Variants in GLRA2 observed in about 807,000 individuals in gnomAD.
GLRA2 encodes the protein glycine receptor alpha 2.
GLRA2 carries 11 observed loss-of-function variants against 31.6 expected under a neutral mutation model. The ratio of observed to expected loss-of-function variants is 0.35; its 90% CI spans 0.22 to 0.58. GLRA2 has a LOEUF of 0.58. Among genes scored for constraint, GLRA2 ranks in the 20% least tolerant of loss-of-function variants. GLRA2 has a pLI of 0.84. For synonymous variants in GLRA2, 132 were observed against 134.0 expected, an observed-to-expected ratio of 0.99 and a Z score of 0.10; for missense variants, 212 against 351.8, an observed-to-expected ratio of 0.60 and a Z score of 3.18.
chrX:14,466,023 G>C, the GLRA2 span, among the ~76,000 whole-genome samples: 1 of 111,824 alleles, frequency 8.9e-6, no homozygotes. Flanking sequence ...AATGCTTATT[G>C]TTTTATTCCA....
In GLRA2 at chrX:14,549,939, G is replaced by A. The variant is rs1489087131; in HGVS notation, c.202+17567G>A. Among the ~76,000 whole-genome samples, 3 of 111,430 alleles carry A rather than the reference G, an allele frequency of 2.7e-5. No homozygotes were observed. In the East Asian group the frequency reaches 8.5e-4, roughly 32 times the overall value. On this transcript the variant is annotated intron_variant, in intron 2 of 8. Coordinates refer to ENST00000218075, the MANE Select transcript of GLRA2 (RefSeq NM_002063.4). ...GAAAGAGTGGTTAGAAAATCTGGAG[G>A]AGAACCAGAAAGAGATGCAGTCATT...
At chrX:14,663,855 C>G (rs771386514) in intron 7 of GLRA2, among the ~76,000 whole-genome samples, 114 of 111,000 alleles carry the variant, frequency 1.0e-3, no homozygotes, top group Non-Finnish European at 1.4e-3. Flanking sequence ...TCCATTTCAT[C>G]CTGATTTTCC....
chrX:14,606,399 A>G (rs1471706538), intron 5 of GLRA2, among the ~76,000 whole-genome samples: 3 of 111,327 alleles, frequency 2.7e-5, no homozygotes, highest in African/African-American at 3.3e-5. Flanking sequence ...ACTGATAACA[A>G]TTTTACTTTG....
intron 8 of GLRA2, among the ~76,000 whole-genome samples, chrX:14,699,956 AAC>A (rs907053297): frequency 8.9e-6 from 1 of 111,864 alleles, no homozygotes; most frequent in African/African-American, 3.3e-5. Context: ...AGAGGGGAAC[AAC>A]ACACACTGGG....
the GLRA2 span, among the ~76,000 whole-genome samples, chrX:14,474,720 GGAT>G: frequency 9.5e-6 from 1 of 105,090 alleles, no homozygotes; most frequent in Non-Finnish European, 2.0e-5. Context: ...GGGATGGCTG[GGAT>G]GGCTGGGATG....
At chrX:14,480,174 T>A in the GLRA2 span, among the ~76,000 whole-genome samples, 1 of 112,358 alleles carries the variant, frequency 8.9e-6, no homozygotes, top group African/African-American at 3.2e-5. Flanking sequence ...TTTTGAGAAG[T>A]GTCTGATCAT....
intron 7 of GLRA2, among the ~76,000 whole-genome samples, chrX:14,661,816 T>A (rs1828120301): frequency 9.8e-6 from 1 of 101,789 alleles, no homozygotes; most frequent in South Asian, 4.6e-4. Flanking sequence ...GAGGTTTCAG[T>A]GAGCCAAGAT....
the GLRA2 span, among the ~76,000 whole-genome samples, chrX:14,503,055 A>T: frequency 9.0e-6 from 1 of 111,391 alleles, no homozygotes; most frequent in East Asian, 2.8e-4. Flanking sequence ...TCCATTAATG[A>T]CCATGAAACT....
At chrX:14,640,236 C>T (rs1197195171) in intron 7 of GLRA2, among the ~76,000 whole-genome samples, 1 of 111,061 alleles carries the variant, frequency 9.0e-6, no homozygotes, top group Non-Finnish European at 1.9e-5. Flanking sequence ...AGAAAGGAAA[C>T]GTGCAATGCC....
chrX:14,682,463 T>A (rs1169591000), intron 7 of GLRA2, among the ~76,000 whole-genome samples: 3 of 111,682 alleles, frequency 2.7e-5, no homozygotes, highest in Non-Finnish European at 5.6e-5. Context: ...TTCCAAAATT[T>A]ATCCATTAAC....
At chrX:14,550,183 A>T (rs1481242825) in intron 2 of GLRA2, among the ~76,000 whole-genome samples, 1 of 109,424 alleles carries the variant, frequency 9.1e-6, no homozygotes, top group Non-Finnish European at 1.9e-5. Flanking sequence ...AAGTCTGTAG[A>T]TTTATCGTTT....
At chrX:14,719,739 T>C (rs890060023) in intron 8 of GLRA2, among the ~76,000 whole-genome samples, 9 of 111,854 alleles carry the variant, frequency 8.0e-5, no homozygotes, top group Non-Finnish European at 1.3e-4. Context: ...TAAAGAGATA[T>C]CTGCACTCCC....
the GLRA2 span, among the ~76,000 whole-genome samples, chrX:14,483,271 A>G: frequency 0.015 from 1,717 of 111,837 alleles, 38 homozygotes; most frequent in African/African-American, 0.053. Flanking sequence ...CCACATGGAC[A>G]TCACAATGCT....
chrX:14,672,716 C>A (rs191171047), intron 7 of GLRA2, among the ~76,000 whole-genome samples: 5 of 111,907 alleles, frequency 4.5e-5, no homozygotes, highest in African/African-American at 1.6e-4. Flanking sequence ...GCTTTTGAAC[C>A]ACATTAATTA....
At chrX:14,622,133 G>A (rs1198589962) in intron 7 of GLRA2, among the ~76,000 whole-genome samples, 1 of 112,173 alleles carries the variant, frequency 8.9e-6, no homozygotes, top group Admixed American at 9.4e-5. Flanking sequence ...ATTTTTTCAT[G>A]TGTCTTTTGG....
intron 2 of GLRA2, among the ~76,000 whole-genome samples, chrX:14,539,072 T>C (rs2089365356): frequency 9.0e-6 from 1 of 111,466 alleles, no homozygotes; most frequent in African/African-American, 3.3e-5. Flanking sequence ...ATTCAGTCAA[T>C]TTTGCTGATA....
chrX:14,667,829 A>G (rs144490655), intron 7 of GLRA2, among the ~76,000 whole-genome samples: 16 of 111,874 alleles, frequency 1.4e-4, no homozygotes, highest in African/African-American at 4.9e-4. Flanking sequence ...CTCCACAACA[A>G]AGATAACATA....
Position 14,662,508 on chromosome X carries a change from T to G in GLRA2, c.931-28202T>G, listed in dbSNP as rs750176160. 7.1e-5 allele frequency among the ~76,000 whole-genome samples: 8 copies of G among 112,154 alleles called. No homozygotes were observed. In the East Asian group the frequency reaches 1.9e-3, roughly 27 times the overall value. On this transcript the variant is annotated intron_variant, in intron 7 of 8. Transcript: ENST00000218075. ...ATAGAAAGCAGAGAAATTATCCTGA[T>G]AAGCATTCCAGGCTCCAAACAAAAT...
the GLRA2 span, among the ~76,000 whole-genome samples, chrX:14,491,805 G>A: frequency 1.6e-4 from 18 of 111,624 alleles, no homozygotes; most frequent in African/African-American, 5.9e-4. Flanking sequence ...AATAAGTGAG[G>A]ATGGATGTCA....
Sources: gnomAD v4.1 joint callset for allele counts (sites outside exome capture counted in the v4.1 genomes callset) on GRCh38, gnomAD v4.1.1 for gene constraint, MANE v1.5 for transcripts, NCBI Gene and HGNC (gene_info 2026-07-23, HGNC 2026-07-21) for gene names.